Variants in WIPF3 observed in about 807,000 individuals in gnomAD.
WIPF3 encodes WAS/WASL interacting protein family member 3, also known as WAS/WASL-interacting protein family member 3.
In WIPF3, 33 loss-of-function variants were observed where a neutral mutation model predicts 38.9. The observed-to-expected ratio is 0.85, with a 90% CI of 0.64 to 1.14. The LOEUF (loss-of-function observed/expected upper bound fraction) is 1.14, where lower values mean the gene tolerates loss of function less well. WIPF3 is among the 50% of genes most tolerant of loss of function. WIPF3 has a pLI of 0.00. For synonymous variants in WIPF3, 324 were observed against 269.3 expected (o/e 1.20, Z -1.99); for missense variants, 711 against 652.5 (o/e 1.09, Z -0.98).
At chr7:29,819,095 G>C (rs761817796) in intron 1 of WIPF3, among the ~76,000 whole-genome samples, 3 of 151,782 alleles carry the variant, frequency 2.0e-5, no homozygotes, top group Non-Finnish European at 4.4e-5. Context: ...TCTCAGGTTT[G>C]GATCTGACTG....
At chr7:29,810,620 G>C (rs1479211933) in intron 1 of WIPF3, among the ~76,000 whole-genome samples, 6 of 152,220 alleles carry the variant, frequency 3.9e-5, no homozygotes, top group South Asian at 2.1e-4. Context: ...AGGCATAACT[G>C]TATGGATGAG....
intron 2 of WIPF3, among the ~76,000 whole-genome samples, chr7:29,858,619 G>T (rs537007779): frequency 1.3e-5 from 2 of 152,130 alleles, no homozygotes; most frequent in African/African-American, 2.4e-5. Flanking sequence ...AAGACTTTTC[G>T]ATGATGATTA....
At chr7:29,876,052 C>T in intron 3 of WIPF3, 90 bp downstream of exon 3, 1 of 1,527,050 alleles carries the variant, frequency 6.5e-7, no homozygotes, top group Non-Finnish European at 8.9e-7. Flanking sequence ...GGGGCCACAG[C>T]TGCTTCCCAG....
chr7:29,838,336 T>G (rs1337163505), intron 2 of WIPF3, among the ~76,000 whole-genome samples: 3 of 152,190 alleles, frequency 2.0e-5, no homozygotes, highest in African/African-American at 7.2e-5. Flanking sequence ...AAAATGGACC[T>G]AGTTTCACTT....
chr7:29,839,498 C>A (rs994571975), intron 2 of WIPF3, among the ~76,000 whole-genome samples: 1 of 152,164 alleles, frequency 6.6e-6, no homozygotes, highest in African/African-American at 2.4e-5. Flanking sequence ...CTATCACAAG[C>A]CTCTGCTGGA....
intron 2 of WIPF3, among the ~76,000 whole-genome samples, chr7:29,839,872 A>T (rs1412056568): frequency 1.3e-5 from 2 of 152,238 alleles, no homozygotes; most frequent in Admixed American, 6.5e-5. Context: ...GCAAAATGTT[A>T]TTCCTCAAAG....
At chr7:29,863,056 G>C (rs766461422) in intron 2 of WIPF3, among the ~76,000 whole-genome samples, 2 of 152,004 alleles carry the variant, frequency 1.3e-5, no homozygotes, top group African/African-American at 2.4e-5. Flanking sequence ...TATTTTGTTT[G>C]TTTTTATTTA....
chr7:29,880,692 G>A (rs145306759), intron 4 of WIPF3, among the ~76,000 whole-genome samples: 125 of 152,290 alleles, frequency 8.2e-4, no homozygotes, highest in African/African-American at 2.4e-3. Context: ...AGTGTCAGAT[G>A]TTTGAGCCGC....
intron 7 of WIPF3, among the ~76,000 whole-genome samples, chr7:29,898,828 T>C (rs1786213425): frequency 6.6e-6 from 1 of 152,204 alleles, no homozygotes; most frequent in Non-Finnish European, 1.5e-5. Context: ...TTTTACAAAA[T>C]TTAGGTTTTA....
At chr7:29,863,441 A>G (rs928302904) in intron 2 of WIPF3, among the ~76,000 whole-genome samples, 1 of 152,268 alleles carries the variant, frequency 6.6e-6, no homozygotes, top group Non-Finnish European at 1.5e-5. Context: ...TTTCTCTATC[A>G]TAACCAGACC....
chr7:29,872,161 C>G (rs1487324565), intron 2 of WIPF3, among the ~76,000 whole-genome samples: 1 of 152,148 alleles, frequency 6.6e-6, no homozygotes, highest in Non-Finnish European at 1.5e-5. Flanking sequence ...TTTTTAGTGA[C>G]GTTGCCCATG....
At chr7:29,890,853 A>G (rs1399038886) in intron 7 of WIPF3, among the ~76,000 whole-genome samples, 56 of 75,996 alleles carry the variant, frequency 7.4e-4, no homozygotes, top group African/African-American at 1.4e-3. Context: ...GGTGGAGGGG[A>G]TGTGGGCCTG....
At chr7:29,906,914 A>G (rs1179556320) in intron 8 of WIPF3, among the ~76,000 whole-genome samples, 4 of 152,232 alleles carry the variant, frequency 2.6e-5, no homozygotes, top group Non-Finnish European at 5.9e-5. Flanking sequence ...GTAATTTTCT[A>G]CCTGGCAAAA....
chr7:29,861,848 G>A (rs1785282740), intron 2 of WIPF3, among the ~76,000 whole-genome samples: 1 of 152,148 alleles, frequency 6.6e-6, no homozygotes, highest in Admixed American at 6.5e-5. Flanking sequence ...TGCAATCATA[G>A]GACACTGATG....
intron 2 of WIPF3, among the ~76,000 whole-genome samples, chr7:29,864,476 G>T (rs1005231754): frequency 6.6e-6 from 1 of 152,090 alleles, no homozygotes; most frequent in Non-Finnish European, 1.5e-5. Flanking sequence ...CGTATTAAGT[G>T]TTTCCTGCTT....
chr7:29,910,109 T>G (rs747289330), intron 8 of WIPF3, among the ~76,000 whole-genome samples: 8 of 152,250 alleles, frequency 5.3e-5, no homozygotes, highest in Non-Finnish European at 1.0e-4. Flanking sequence ...AACCCAAAGA[T>G]AAATGCTTGA....
rs569709120 is a variant in WIPF3 at position 29,896,848 on chromosome 7, A to G, written c.1352-7438A>G. On this transcript the variant is annotated intron_variant, in intron 7 of 8. Transcript: ENST00000242140. Reference sequence around the variant, plus strand: ...TAACATAATGATGGTATAAAGAATGACATCATCTTCCTATCAACAGATACT... The same window carrying G: ...TAACATAATGATGGTATAAAGAATGGCATCATCTTCCTATCAACAGATACT... Among the ~76,000 whole-genome samples, 6 of 152,354 alleles carry G rather than the reference A, an allele frequency of 3.9e-5. No individual in the cohort carries two copies. The South Asian group carries it at 1.2e-3, about 32-fold the overall frequency.
chr7:29,893,805 G>A (rs143611152), intron 7 of WIPF3, among the ~76,000 whole-genome samples: 36 of 152,188 alleles, frequency 2.4e-4, no homozygotes, highest in African/African-American at 6.7e-4. Flanking sequence ...GACTGGCCAC[G>A]TTCATGCCAT....
intron 1 of WIPF3, among the ~76,000 whole-genome samples, chr7:29,826,285 C>G (rs1784614359): frequency 6.6e-6 from 1 of 152,174 alleles, no homozygotes; most frequent in African/African-American, 2.4e-5. Context: ...TGGAGAGCTG[C>G]TCAGTGTGGC....
Sources: gnomAD v4.1 joint callset for allele counts (sites outside exome capture counted in the v4.1 genomes callset) on GRCh38, gnomAD v4.1.1 for gene constraint, MANE v1.5 for transcripts, NCBI Gene and HGNC (gene_info 2026-07-23, HGNC 2026-07-21) for gene names.